ARSB: variants seen among roughly 807,000 people sequenced by gnomAD.
ARSB encodes the protein arylsulfatase B.
In ARSB, 41 loss-of-function variants were observed where a neutral mutation model predicts 50.9. That is an observed-to-expected ratio of 0.81 (90% CI 0.63 to 1.04). The LOEUF (loss-of-function observed/expected upper bound fraction) is 1.04, where lower values mean the gene tolerates loss of function less well. ARSB is among the 50% of genes least tolerant of loss of function. ARSB has a pLI of 0.00. For missense variants in ARSB, 672 were observed against 693.3 expected, an observed-to-expected ratio of 0.97 and a Z score of 0.35; for synonymous variants, 269 against 284.8, an observed-to-expected ratio of 0.94 and a Z score of 0.56.
intron 5 of ARSB, among the ~76,000 whole-genome samples, chr5:78,870,433 A>G (rs374221212): frequency 0.22 from 22,568 of 104,680 alleles, 2,745 homozygotes; most frequent in Middle Eastern, 0.32. Flanking sequence ...CTGGCAAACC[A>G]AATCCAGCAG....
At chr5:78,797,025 C>T (rs1743209927) in intron 6 of ARSB, among the ~76,000 whole-genome samples, 1 of 151,912 alleles carries the variant, frequency 6.6e-6, no homozygotes, top group Non-Finnish European at 1.5e-5. Context: ...CTACAGGCGC[C>T]CGCCACTATG....
At chr5:78,913,594 T>A (rs1185286389) in intron 4 of ARSB, among the ~76,000 whole-genome samples, 2 of 152,238 alleles carry the variant, frequency 1.3e-5, no homozygotes, top group Non-Finnish European at 2.9e-5. Context: ...TATCATTTTA[T>A]TTTACAAAAG....
chr5:78,866,478 G>A (rs1271159944), intron 5 of ARSB, among the ~76,000 whole-genome samples: 1 of 152,154 alleles, frequency 6.6e-6, no homozygotes, highest in South Asian at 2.1e-4. Flanking sequence ...CAAGGGGAAA[G>A]GACTCAAATA....
rs144335970 is a variant in ARSB at position 78,934,645 on chromosome 5, G to A, written c.898+20650C>T. On this transcript the variant is annotated intron_variant, in intron 4 of 7. Coordinates refer to ENST00000264914, the MANE Select transcript of ARSB (RefSeq NM_000046.5). ...TCTCTACTAAAAATACAAAAATTTG[G>A]CAGGCGTGATGGTGGGCACCTGTAA... is the stretch of plus-strand genomic sequence containing the variant. Among the ~76,000 whole-genome samples, 1,415 of 151,844 alleles carry A rather than the reference G, an allele frequency of 9.3e-3. 24 individuals are homozygous for A. The highest frequency in any genetic ancestry group is 0.033 in the African/African-American group (1,353 of 41,438).
intron 4 of ARSB, among the ~76,000 whole-genome samples, chr5:78,922,687 G>A (rs564896544): frequency 4.6e-4 from 69 of 150,106 alleles, no homozygotes; most frequent in South Asian, 6.4e-4. Context: ...ATTGTAAAGC[G>A]GACTTTTGTC....
intron 2 of ARSB, among the ~76,000 whole-genome samples, chr5:78,965,060 T>C (rs910190409): frequency 6.6e-6 from 1 of 152,178 alleles, no homozygotes; most frequent in Non-Finnish European, 1.5e-5. Flanking sequence ...TTTACAGAAG[T>C]GGTTCTAGGA....
At chr5:78,870,089 A>G (rs1747049326) in intron 5 of ARSB, among the ~76,000 whole-genome samples, 1 of 133,116 alleles carries the variant, frequency 7.5e-6, no homozygotes, top group African/African-American at 2.7e-5. Flanking sequence ...TCCTCGACAC[A>G]TACACTCTCC....
intron 4 of ARSB, among the ~76,000 whole-genome samples, chr5:78,926,682 G>A (rs1750070701): frequency 6.6e-6 from 1 of 152,136 alleles, no homozygotes; most frequent in Non-Finnish European, 1.5e-5. Context: ...AGTCTACTAT[G>A]TGTTATTCTC....
intron 4 of ARSB, among the ~76,000 whole-genome samples, chr5:78,939,655 C>A (rs909132503): frequency 6.6e-6 from 1 of 152,158 alleles, no homozygotes; most frequent in Non-Finnish European, 1.5e-5. Context: ...TGTGTATGTG[C>A]CACATTTTCT....
intron 4 of ARSB, among the ~76,000 whole-genome samples, chr5:78,944,879 G>C (rs944451590): frequency 2.6e-5 from 4 of 152,224 alleles, no homozygotes; most frequent in Admixed American, 1.3e-4. Context: ...CCCAGAGGTG[G>C]AGTCTACAGA....
intron 6 of ARSB, among the ~76,000 whole-genome samples, chr5:78,822,032 C>T (rs1489713745): frequency 6.6e-6 from 1 of 152,096 alleles, no homozygotes; most frequent in Non-Finnish European, 1.5e-5. Flanking sequence ...CATTTATTTC[C>T]CCTGAAGCAA....
At chr5:78,919,468 TATTTATTC>T (rs1287119796) in intron 4 of ARSB, among the ~76,000 whole-genome samples, 10 of 152,146 alleles carry the variant, frequency 6.6e-5, no homozygotes, top group African/African-American at 1.7e-4. Flanking sequence ...GAGAGTTACT[TATTTATTC>T]ATTTATTCAT....
intron 6 of ARSB, among the ~76,000 whole-genome samples, chr5:78,801,329 A>G (rs377513981): frequency 6.6e-6 from 1 of 152,206 alleles, no homozygotes; most frequent in Admixed American, 6.5e-5. Flanking sequence ...AAAGAAACCA[A>G]TTGAAGAGCC....
At chr5:78,867,617 A>C (rs1746853370) in intron 5 of ARSB, among the ~76,000 whole-genome samples, 2 of 152,238 alleles carry the variant, frequency 1.3e-5, no homozygotes, top group Non-Finnish European at 2.9e-5. Flanking sequence ...CCTGTCTGTT[A>C]GAAGGAAAAC....
intron 5 of ARSB, among the ~76,000 whole-genome samples, chr5:78,854,449 C>T (rs1051548642): frequency 1.3e-5 from 2 of 152,202 alleles, no homozygotes; most frequent in Non-Finnish European, 2.9e-5. Flanking sequence ...TCTTTCAAGA[C>T]ATTTAACATT....
chr5:78,972,543 A>ACACACACACACACCCC (rs1361695118), intron 1 of ARSB, among the ~76,000 whole-genome samples: 1 of 150,302 alleles, frequency 6.7e-6, no homozygotes, highest in African/African-American at 2.5e-5. Flanking sequence ...ACACACACAC[A>ACACACACACACACCCC]CCCCAAATCA....
chr5:78,860,825 T>C (rs1253925732), intron 5 of ARSB, among the ~76,000 whole-genome samples: 1 of 152,138 alleles, frequency 6.6e-6, no homozygotes, highest in African/African-American at 2.4e-5. Context: ...ATCCAGGAGC[T>C]GGTTTTCTGA....
chr5:78,811,955 A>C (rs964234371), intron 6 of ARSB, among the ~76,000 whole-genome samples: 3 of 152,112 alleles, frequency 2.0e-5, no homozygotes, highest in Non-Finnish European at 2.9e-5. Context: ...TTTTTGGCCA[A>C]CTGAACTAAT....
chr5:78,948,720 G>GCTGT, intron 4 of ARSB, among the ~76,000 whole-genome samples: 1 of 152,246 alleles, frequency 6.6e-6, no homozygotes, highest in African/African-American at 2.4e-5. Flanking sequence ...TTGGTTTCCA[G>GCTGT]CTGTCATATA....
Sources: allele counts gnomAD v4.1 joint callset (sites outside exome capture counted in the v4.1 genomes callset), GRCh38; gene constraint gnomAD v4.1.1; transcripts MANE v1.5; gene names NCBI Gene and HGNC (gene_info 2026-07-23, HGNC 2026-07-21).